The following ERAP1 variants were observed in gnomAD, a reference collection of about 807,000 sequenced individuals.
ERAP1 encodes endoplasmic reticulum aminopeptidase 1, also known as adipocyte-derived leucine aminopeptidase.
Under a neutral mutation model 103.7 loss-of-function variants are expected in ERAP1, and 86 were observed. The ratio of observed to expected loss-of-function variants is 0.83; its 90% CI spans 0.70 to 0.99. The LOEUF (loss-of-function observed/expected upper bound fraction) is 0.99. Among genes scored for constraint, ERAP1 ranks in the 50% least tolerant of loss-of-function variants. The pLI is 0.00. For synonymous variants in ERAP1, 398 were observed against 402.4 expected (o/e 0.99, Z 0.13); for missense variants, 1,009 against 1,128.4 (o/e 0.89, Z 1.52).
In ERAP1 at chr5:96,762,014, C is replaced by T. The variant is rs150182342; in HGVS notation, c.*1186G>A. 3.7e-3 allele frequency: 1,033 copies of T among 277,292 alleles called. 11 individuals carry two copies. The highest frequency in any genetic ancestry group is 0.02 in the African/African-American group (894 of 45,436). The allele number at this position is 277,292 out of a possible 1,614,324, so 17.2% of individuals were successfully genotyped here. ...TACAACAGGAAATGTGTAAACAAAC[C>T]GTGGAACTCTAAGTTATATTATTGC... On this transcript the variant is annotated 3_prime_UTR_variant, in exon 20 of 20. Coordinates refer to the ERAP1 transcript ENST00000296754.
chr5:96,777,710 A>G (rs1477504915), intron 18 of ERAP1, among the ~76,000 whole-genome samples: 1 of 152,238 alleles, frequency 6.6e-6, no homozygotes, highest in Non-Finnish European at 1.5e-5. Flanking sequence ...AAGCACATCA[A>G]TAATTTTACT....
chr5:96,767,990 C>A (rs767589566), intron 19 of ERAP1: 1 of 1,608,386 alleles, frequency 6.2e-7, no homozygotes, highest in Non-Finnish European at 8.5e-7. Flanking sequence ...CCTCACAGAA[C>A]ACAGCAAAGG....
intron 13 of ERAP1, chr5:96,785,559 T>G: frequency 1.9e-6 from 1 of 540,072 alleles, no homozygotes; most frequent in Non-Finnish European, 3.3e-6. Flanking sequence ...ATCTGAATTA[T>G]TAATGAGAAA....
chr5:96,896,496 T>C, the ERAP1 span: 1 of 1,613,112 alleles, frequency 6.2e-7, no homozygotes, highest in South Asian at 1.1e-5. Flanking sequence ...TGAAGTTTCC[T>C]ATAACAAGGT....
At chr5:96,930,832 G>C in the ERAP1 span, among the ~76,000 whole-genome samples, 1 of 152,158 alleles carries the variant, frequency 6.6e-6, no homozygotes, top group African/African-American at 2.4e-5. Context: ...AGTTTCCCTA[G>C]ACAAGCCTTC....
chr5:96,777,939 A>G (rs1162548666), intron 18 of ERAP1, among the ~76,000 whole-genome samples: 1 of 152,216 alleles, frequency 6.6e-6, no homozygotes, highest in Non-Finnish European at 1.5e-5. Flanking sequence ...AATAAGTAGC[A>G]CAATACAGGG....
the ERAP1 span, among the ~76,000 whole-genome samples, chr5:96,930,828 C>G: frequency 6.6e-6 from 1 of 152,162 alleles, no homozygotes; most frequent in Non-Finnish European, 1.5e-5. Flanking sequence ...AAACAGTTTC[C>G]CTAGACAAGC....
chr5:96,801,279 A>G (rs1777959180), intron 2 of ERAP1, among the ~76,000 whole-genome samples: 1 of 151,798 alleles, frequency 6.6e-6, no homozygotes, highest in South Asian at 2.1e-4. Flanking sequence ...GCAACATGGT[A>G]AAACCCCATC....
intron 19 of ERAP1, chr5:96,765,353 A>G: frequency 1.3e-6 from 1 of 761,030 alleles, no homozygotes. Context: ...AAAAAAAAAA[A>G]TTCACTAATA....
upstream of ERAP1, among the ~76,000 whole-genome samples, chr5:96,809,461 C>G (rs552597923): frequency 1.3e-5 from 2 of 152,138 alleles, no homozygotes; most frequent in Non-Finnish European, 2.9e-5. Flanking sequence ...GCCTTCTTCC[C>G]TTTGAGAACT....
At chr5:96,912,652 T>C in the ERAP1 span, 1 of 1,609,630 alleles carries the variant, frequency 6.2e-7, no homozygotes, top group South Asian at 1.1e-5. Flanking sequence ...CAACAGATGT[T>C]TTAAAGATTG....
chr5:96,925,418 C>T, the ERAP1 span, among the ~76,000 whole-genome samples: 1 of 152,182 alleles, frequency 6.6e-6, no homozygotes, highest in Non-Finnish European at 1.5e-5. Flanking sequence ...GGCCCAGGCT[C>T]TCACCTCAGT....
At chr5:96,794,823 A>G (rs1164428267) in intron 5 of ERAP1, among the ~76,000 whole-genome samples, 1 of 152,202 alleles carries the variant, frequency 6.6e-6, no homozygotes, top group Admixed American at 6.5e-5. Context: ...ATGCCTCAAG[A>G]ACTCTATGAA....
chr5:96,791,192 T>C (rs771990538), intron 8 of ERAP1, among the ~76,000 whole-genome samples: 2 of 152,178 alleles, frequency 1.3e-5, no homozygotes, highest in African/African-American at 2.4e-5. Flanking sequence ...ACACCCTGTA[T>C]TCCTTGGTAA....
the ERAP1 span, among the ~76,000 whole-genome samples, chr5:96,875,437 G>A: frequency 2.0e-5 from 3 of 151,968 alleles, no homozygotes; most frequent in South Asian, 6.2e-4. Flanking sequence ...TTGGGAGGCT[G>A]AGGTGGGAGG....
At chr5:96,883,799 G>T in the ERAP1 span, 3 of 1,610,032 alleles carry the variant, frequency 1.9e-6, no homozygotes, top group Admixed American at 5.1e-5. Context: ...CAGAATTCTT[G>T]CAGTAACAGA....
the ERAP1 span, among the ~76,000 whole-genome samples, chr5:96,824,227 G>A: frequency 6.6e-6 from 1 of 152,206 alleles, no homozygotes; most frequent in Non-Finnish European, 1.5e-5. Flanking sequence ...CCCAATGCCT[G>A]ATGTTCAAAT....
chr5:96,761,214 A>C (rs1767835782), exon 20 of ERAP1: 1 of 152,230 alleles, frequency 6.6e-6, no homozygotes, highest in African/African-American at 2.4e-5. Context: ...TAAAAGGCTT[A>C]AATAATAAGT....
the ERAP1 span, among the ~76,000 whole-genome samples, chr5:96,849,703 A>T: frequency 6.6e-6 from 1 of 152,190 alleles, no homozygotes; most frequent in Non-Finnish European, 1.5e-5. Flanking sequence ...CTACAGATTC[A>T]ATGTAATCCC....
Sources: gnomAD v4.1 joint callset for allele counts (sites outside exome capture counted in the v4.1 genomes callset) on GRCh38, gnomAD v4.1.1 for gene constraint, MANE v1.5 for transcripts, NCBI Gene and HGNC (gene_info 2026-07-23, HGNC 2026-07-21) for gene names.